NHSL2: variants seen among roughly 807,000 people sequenced by gnomAD.
NHSL2 encodes the protein NHS-like protein 2.
A neutral mutation model predicts 53.4 loss-of-function variants in NHSL2; 27 were observed. The observed-to-expected ratio is 0.51, with a 90% CI of 0.37 to 0.70. The LOEUF (loss-of-function observed/expected upper bound fraction) is 0.70. NHSL2 is among the 30% of genes least tolerant of loss of function. The pLI is 0.00. For synonymous variants in NHSL2, 408 were observed against 404.1 expected (o/e 1.01, Z -0.12); for missense variants, 892 against 980.1 (o/e 0.91, Z 1.20).
At chrX:72,130,070 C>G (rs370818026) in intron 1 of NHSL2, 11 of 1,211,126 alleles carry the variant, frequency 9.1e-6, no homozygotes, top group Non-Finnish European at 1.2e-5. Flanking sequence ...AGGAAGTTTT[C>G]GGCGTGGTAA....
intron 1 of NHSL2, among the ~76,000 whole-genome samples, chrX:71,935,038 G>T (rs1354204925): frequency 9.0e-6 from 1 of 110,972 alleles, no homozygotes; most frequent in African/African-American, 3.3e-5. Context: ...TTCAGTAAAG[G>T]ACACTCATGC....
At chrX:71,916,425 C>T (rs972810757) in intron 1 of NHSL2, among the ~76,000 whole-genome samples, 1 of 112,085 alleles carries the variant, frequency 8.9e-6, no homozygotes, top group Non-Finnish European at 1.9e-5. Flanking sequence ...ATCGTCTTTT[C>T]CTTAGATCAT....
At chrX:71,931,225 T>C (rs2041711374) in intron 1 of NHSL2, among the ~76,000 whole-genome samples, 1 of 112,557 alleles carries the variant, frequency 8.9e-6, no homozygotes, top group South Asian at 3.7e-4. Flanking sequence ...TTTATTATTT[T>C]GTTGTGGAAT....
In NHSL2 at chrX:72,056,552, G is replaced by A. The variant is rs191434858; in HGVS notation, c.281-75527G>A. On this transcript the variant is annotated intron_variant, in intron 1 of 7. Transcript: ENST00000633930. ...ATTTGTGTGCTTATTTAACGTCTGC[G>A]CACACACACACACACACACACACAC... is the stretch of plus-strand genomic sequence containing the variant. Among the ~76,000 whole-genome samples, 52 of 104,551 alleles carry A rather than the reference G, an allele frequency of 5.0e-4. No individual in the cohort carries two copies. The East Asian group carries it at 0.013, about 26-fold the overall frequency. 90.8% of individuals were successfully genotyped at this position (104,551 alleles called of 115,157 possible).
intron 1 of NHSL2, among the ~76,000 whole-genome samples, chrX:72,017,237 C>T (rs1178405716): frequency 8.9e-6 from 1 of 112,458 alleles, no homozygotes; most frequent in Non-Finnish European, 1.9e-5. Context: ...CCTTTGGGTC[C>T]ACTGCTGACA....
chrX:72,093,725 T>TTGCTTGCTTGCTTGCTTGCTTG (rs1569479425), intron 1 of NHSL2, among the ~76,000 whole-genome samples: 276 of 54,004 alleles, frequency 5.1e-3, no homozygotes, highest in Admixed American at 0.018. Context: ...TTGCTTGCTT[T>TTGCTTGCTTGCTTGCTTGCTTG]CTTTCTTTCT....
chrX:72,048,408 A>G (rs1027671538), intron 1 of NHSL2, among the ~76,000 whole-genome samples: 10 of 110,992 alleles, frequency 9.0e-5, no homozygotes, highest in African/African-American at 3.3e-4. Flanking sequence ...ACGAAGGGGA[A>G]GATGCAGATA....
Position 71,911,292 on chromosome X carries a change from T to C in NHSL2, c.205T>C (p.Tyr69His). Reference sequence around the variant, plus strand: ...CCTGGGGCGCCGCACAGACAGCCTGTACCGGCGCACCGTGCGCCTCCGCCG... The same window carrying C: ...CCTGGGGCGCCGCACAGACAGCCTGCACCGGCGCACCGTGCGCCTCCGCCG... ...LALGRRTDSL[Y>H]RRTVRLRRRL... The change falls in exon 1 of 8, where the codon TAC (tyrosine) becomes CAC (histidine). Residue 69 changes from tyrosine (Y) to histidine (H), a missense_variant. Physicochemically the swap from Tyr to His is moderately conservative, Grantham distance 83. Coordinates refer to ENST00000633930, the MANE Select transcript of NHSL2 (RefSeq NM_001013627.3). The C allele has an allele frequency of 8.8e-7, 1 of 1,134,628 alleles. No homozygotes were observed. The highest frequency in any genetic ancestry group is 1.2e-6 in the Non-Finnish European group (1 of 860,421). The allele number at this position is 1,134,628 out of a possible 1,213,427, so 93.5% of individuals were successfully genotyped here.
chrX:72,021,126 C>T (rs1302342471), intron 1 of NHSL2, among the ~76,000 whole-genome samples: 1 of 112,217 alleles, frequency 8.9e-6, no homozygotes, highest in Non-Finnish European at 1.9e-5. Context: ...TCAGTGAATG[C>T]TTGCCCTGTT....
intron 1 of NHSL2, chrX:72,069,609 A>T (rs79157181): frequency 1.3e-6 from 1 of 755,130 alleles, no homozygotes; most frequent in Non-Finnish European, 1.7e-6. Context: ...GAGGAGGAGG[A>T]GTAGGAGGAG....
In NHSL2 at chrX:72,132,099, G is replaced by A. The variant is rs935305294; in HGVS notation, c.301G>A (p.Glu101Lys). ...EELAAANSGR[E>K]NATATAHSRS... ...CCTAGCTGCAGCTAACTCGGGTCGG[G>A]AAAATGCGACAGCGACTGCCCACTC... Residue 101 changes from glutamate (E) to lysine (K), a missense_variant, in exon 2 of 8, where the codon GAA becomes AAA. By Grantham distance (56) the Glu-to-Lys change is moderately conservative (BLOSUM62 1). Transcript: ENST00000633930. 1 of 1,165,611 alleles carries A rather than the reference G, an allele frequency of 8.6e-7. No individual in the cohort carries two copies. Among genetic ancestry groups the A allele is most frequent in the African/African-American group, 1.8e-5 (1 of 55,774 alleles).
intron 1 of NHSL2, among the ~76,000 whole-genome samples, chrX:72,105,952 G>A (rs1373492521): frequency 2.7e-5 from 3 of 112,072 alleles, no homozygotes; most frequent in Non-Finnish European, 3.8e-5. Flanking sequence ...GCTCACGCCT[G>A]TAATCCCAGC....
chrX:72,027,862 T>A (rs1405853941), intron 1 of NHSL2, among the ~76,000 whole-genome samples: 2 of 109,147 alleles, frequency 1.8e-5, no homozygotes, highest in African/African-American at 6.7e-5. Flanking sequence ...ACTAGGGGTT[T>A]TGTATTAAGG....
chrX:72,080,984 C>T (rs1176098364), intron 1 of NHSL2, among the ~76,000 whole-genome samples: 3 of 111,640 alleles, frequency 2.7e-5, no homozygotes, highest in Non-Finnish European at 5.6e-5. Flanking sequence ...GGAGGGGGCG[C>T]GTGATGCCAC....
Position 72,134,514 on chromosome X carries a change from A to G in NHSL2, c.570A>G (p.Thr190=). The change falls in exon 4 of 8, where the codon ACA becomes ACG. Residue 190 remains threonine, a synonymous_variant. Coordinates refer to ENST00000633930, the MANE Select transcript of NHSL2 (RefSeq NM_001013627.3). The stretch of plus-strand genomic sequence containing the variant: ...ATCACCTTCTCTCCCAACAGCCTAC[A>G]AAACGGCAGCTGAGCGAGGATGAGA... ...ARRLEFILMP[T]KRQLSEDETT... is the part of the protein sequence containing the mutation. The G allele has an allele frequency of 3.4e-6, 4 of 1,165,777 alleles. No individual in the cohort carries two copies. The highest frequency in any genetic ancestry group is 4.6e-6 in the Non-Finnish European group (4 of 870,957).
chrX:72,131,202 G>T (rs762797146), intron 1 of NHSL2: 1 of 1,199,419 alleles, frequency 8.3e-7, no homozygotes, highest in Admixed American at 2.2e-5. Context: ...GCCCGTCGGG[G>T]GTGCTGCGAT....
At chrX:72,030,170 A>G (rs1051083095) in intron 1 of NHSL2, among the ~76,000 whole-genome samples, 9 of 112,481 alleles carry the variant, frequency 8.0e-5, no homozygotes, top group African/African-American at 2.9e-4. Flanking sequence ...GCCAGGAATA[A>G]CAGAGGTGAG....
intron 1 of NHSL2, among the ~76,000 whole-genome samples, chrX:72,042,116 C>T (rs1035056650): frequency 1.8e-5 from 2 of 112,609 alleles, no homozygotes; most frequent in African/African-American, 6.5e-5. Flanking sequence ...GAGGCCTTGT[C>T]TGGGGACAAG....
rs1408466298 is a variant in NHSL2, at chrX:72,084,798, G to T, written c.281-47281G>T. On this transcript the variant is annotated intron_variant, in intron 1 of 7. Coordinates refer to ENST00000633930, the MANE Select transcript of NHSL2 (RefSeq NM_001013627.3). ...AGAGAACAGTGGTTTGGAGGGCAGA[G>T]TGTGGCTATCAAGAGCTGGCAGCTG... Among the ~76,000 whole-genome samples, 4 of 111,978 alleles carry T rather than the reference G, an allele frequency of 3.6e-5. No individual in the cohort carries two copies. The Admixed American group carries it at 3.8e-4, about 11-fold the overall frequency.
Sources: gnomAD v4.1 joint callset for allele counts (sites outside exome capture counted in the v4.1 genomes callset) on GRCh38, gnomAD v4.1.1 for gene constraint, MANE v1.5 for transcripts, NCBI Gene and HGNC (gene_info 2026-07-23, HGNC 2026-07-21) for gene names.